The following ERGIC2 variants were observed in gnomAD, a reference collection of about 807,000 sequenced individuals.
ERGIC2 encodes ERGIC and golgi 2.
In ERGIC2, 31 loss-of-function variants were observed where a neutral mutation model predicts 52.5. The observed-to-expected ratio is 0.59, with a 90% confidence interval of 0.44 to 0.80. The LOEUF (loss-of-function observed/expected upper bound fraction) is 0.80, where lower values mean the gene tolerates loss of function less well. Ranked by LOEUF, ERGIC2 falls within the 30% of genes least tolerant of loss-of-function variation. ERGIC2 has a pLI of 0.00. For missense variants in ERGIC2, 395 were observed against 455.2 expected (o/e 0.87, Z 1.20); for synonymous variants, 129 against 140.6 (o/e 0.92, Z 0.58).
At chr12:29,343,031 A>G in intron 12 of ERGIC2, 89 bp downstream of exon 12, 1 of 1,108,440 alleles carries the variant, frequency 9.0e-7, no homozygotes, top group South Asian at 2.0e-5. Context: ...AAACATGAAA[A>G]TCTGTATACT....
Position 29,370,209 on chromosome 12 carries a change from T to C in ERGIC2, c.120A>G (p.Ala40=), listed in dbSNP as rs1450293678. ...SASGGTVSLI[A]FTTMALLTIM... ...TGGTTAATAAAGCCATAGTTGTAAATGCTATTAGAGAAACTGGGAAATCCA... is the reference window on the plus strand; with the variant it reads ...TGGTTAATAAAGCCATAGTTGTAAACGCTATTAGAGAAACTGGGAAATCCA... Residue 40 remains alanine, a synonymous_variant, in exon 3 of 14, where the codon GCA becomes GCG. Coordinates refer to ENST00000360150, the MANE Select transcript of ERGIC2 (RefSeq NM_016570.3). The C allele has an allele frequency of 6.5e-6, 10 of 1,544,954 alleles. No homozygotes were observed. The highest frequency in any genetic ancestry group is 7.8e-6 in the Non-Finnish European group (9 of 1,157,108).
chr12:29,369,325 T>G (rs184501339), intron 3 of ERGIC2, among the ~76,000 whole-genome samples: 6 of 152,046 alleles, frequency 3.9e-5, no homozygotes, highest in Admixed American at 3.9e-4. Flanking sequence ...CTATCCTGAA[T>G]AGTACATTAG....
intron 4 of ERGIC2, among the ~76,000 whole-genome samples, chr12:29,367,243 G>A (rs1057188806): frequency 2.6e-5 from 4 of 151,060 alleles, no homozygotes; most frequent in Non-Finnish European, 4.4e-5. Flanking sequence ...AAGGATAAGC[G>A]TCACTGAATT....
At chr12:29,369,177 G>A (rs749766715) in intron 3 of ERGIC2, among the ~76,000 whole-genome samples, 5 of 151,962 alleles carry the variant, frequency 3.3e-5, no homozygotes, top group South Asian at 2.1e-4. Context: ...GGAACCAGGA[G>A]TAGGCCAAGT....
At chr12:29,351,113 T>C (rs932035168) in intron 8 of ERGIC2, among the ~76,000 whole-genome samples, 1 of 152,008 alleles carries the variant, frequency 6.6e-6, no homozygotes, top group Non-Finnish European at 1.5e-5. Context: ...TGCTATGTAG[T>C]AGGGCAAGAT....
chr12:29,348,721 T>C (rs1940092089), intron 10 of ERGIC2, among the ~76,000 whole-genome samples: 1 of 151,996 alleles, frequency 6.6e-6, no homozygotes, highest in South Asian at 2.1e-4. Context: ...AGAAAATTCT[T>C]CTCATAATGT....
chr12:29,379,496 A>G (rs1940557995), intron 1 of ERGIC2, among the ~76,000 whole-genome samples: 1 of 152,222 alleles, frequency 6.6e-6, no homozygotes, highest in Admixed American at 6.5e-5. Context: ...GAAAGATATT[A>G]TTTTAAACAA....
At chr12:29,365,428 G>A (rs1015768600) in intron 5 of ERGIC2, among the ~76,000 whole-genome samples, 2 of 151,920 alleles carry the variant, frequency 1.3e-5, no homozygotes, top group African/African-American at 2.4e-5. Context: ...ACATAAAAAT[G>A]GCAACAACAG....
At chr12:29,352,263 T>C (rs1344915820) in intron 8 of ERGIC2, among the ~76,000 whole-genome samples, 1 of 152,224 alleles carries the variant, frequency 6.6e-6, no homozygotes, top group African/African-American at 2.4e-5. Flanking sequence ...CAAATGAGCA[T>C]GGCTATATGC....
intron 7 of ERGIC2, among the ~76,000 whole-genome samples, chr12:29,356,820 G>A (rs1156649162): frequency 1.3e-5 from 2 of 152,044 alleles, no homozygotes; most frequent in Admixed American, 6.6e-5. Context: ...AGCAGGGAGA[G>A]GGAGGGAGGG....
At chr12:29,380,278 AT>A (rs1330737683) in intron 1 of ERGIC2, among the ~76,000 whole-genome samples, 2 of 152,322 alleles carry the variant, frequency 1.3e-5, no homozygotes, top group African/African-American at 4.8e-5. Flanking sequence ...AGTCCAATGT[AT>A]CAGGCTAGGC....
intron 13 of ERGIC2, among the ~76,000 whole-genome samples, 197 bp downstream of exon 13, chr12:29,341,537 A>T (rs1231918062): frequency 2.0e-5 from 3 of 151,686 alleles, no homozygotes; most frequent in Admixed American, 6.6e-5. Flanking sequence ...TGCCTAGCTA[A>T]TTTTTTCTAT....
chr12:29,353,378 C>T (rs1940159297), intron 8 of ERGIC2, among the ~76,000 whole-genome samples: 1 of 152,124 alleles, frequency 6.6e-6, no homozygotes, highest in Non-Finnish European at 1.5e-5. Context: ...TTCAAACAAA[C>T]AACAAAGTTT....
At chr12:29,341,851 T>G (rs746968134) in intron 12 of ERGIC2, 35 bp from the exon 13 acceptor site, 2 of 1,012,574 alleles carry the variant, frequency 2.0e-6, no homozygotes, top group South Asian at 2.6e-5. Flanking sequence ...TTTTAATTAT[T>G]TCCTAAACTG....
intron 1 of ERGIC2, among the ~76,000 whole-genome samples, chr12:29,374,121 TGAG>T (rs1940482396): frequency 6.6e-6 from 1 of 152,180 alleles, no homozygotes; most frequent in Admixed American, 6.5e-5. Flanking sequence ...CTTAAAAGAA[TGAG>T]TTGTCCCCAT....
intron 1 of ERGIC2, among the ~76,000 whole-genome samples, chr12:29,376,184 G>A (rs1391219554): frequency 6.6e-6 from 1 of 152,070 alleles, no homozygotes; most frequent in African/African-American, 2.4e-5. Context: ...GAAGCAGCAG[G>A]TACTATTTTT....
chr12:29,375,570 G>C (rs1940503706), intron 1 of ERGIC2, among the ~76,000 whole-genome samples: 1 of 152,132 alleles, frequency 6.6e-6, no homozygotes, highest in Non-Finnish European at 1.5e-5. Context: ...GAATAAAACA[G>C]TGAATTACAT....
At chr12:29,373,093 CAA>C (rs1266626537) in intron 1 of ERGIC2, 1 of 151,760 alleles carries the variant, frequency 6.6e-6, no homozygotes, top group Non-Finnish European at 1.5e-5. Context: ...ACATAAGAAA[CAA>C]AACTGAACAT....
rs1949828928 is a variant in ERGIC2 at position 29,340,358 on chromosome 12, A to G, written c.*798T>C. On this transcript the variant is annotated 3_prime_UTR_variant, in exon 14 of 14. Coordinates refer to ENST00000360150, the MANE Select transcript of ERGIC2 (RefSeq NM_016570.3). ...ACCCTATGTTGCCCAAAATACACCAATAATATAATGATTAGATTAAAAAAC... is the reference window on the plus strand; with the variant it reads ...ACCCTATGTTGCCCAAAATACACCAGTAATATAATGATTAGATTAAAAAAC... 1 of 152,278 alleles carries G rather than the reference A, an allele frequency of 6.6e-6. No homozygotes were observed. Among genetic ancestry groups the G allele is most frequent in the Non-Finnish European group, 1.5e-5 (1 of 68,104 alleles). The allele number at this position is 152,278 out of a possible 1,614,324, so 9.4% of individuals were successfully genotyped here. A position where few individuals can be genotyped will look rare whatever the true frequency, so the allele number is the denominator to read the frequency against.
Sources: allele counts gnomAD v4.1 joint callset (sites outside exome capture counted in the v4.1 genomes callset), GRCh38; gene constraint gnomAD v4.1.1; transcripts MANE v1.5; gene names NCBI Gene and HGNC (gene_info 2026-07-23, HGNC 2026-07-21).